TRDN: variants seen among roughly 807,000 people sequenced by gnomAD.
TRDN encodes triadin in skeletal muscle.
In TRDN, 161 loss-of-function variants were observed where a neutral mutation model predicts 149.7. That is an observed-to-expected ratio of 1.08 (90% CI 0.95 to 1.23). The LOEUF (loss-of-function observed/expected upper bound fraction) is 1.23. TRDN is among the 50% of genes most tolerant of loss of function. TRDN has a pLI of 0.00. For synonymous variants in TRDN, 294 were observed against 250.5 expected (o/e 1.17, Z -1.64); for missense variants, 896 against 823.5 (o/e 1.09, Z -1.08).
chr6:123,365,537 T>C (rs1236211911), intron 20 of TRDN, among the ~76,000 whole-genome samples: 1 of 151,976 alleles, frequency 6.6e-6, no homozygotes, highest in African/African-American at 2.4e-5. Flanking sequence ...TTTAGTGGAG[T>C]ATGTGTGTAA....
intron 13 of TRDN, among the ~76,000 whole-genome samples, chr6:123,390,724 G>A (rs1782075940): frequency 1.3e-5 from 2 of 152,036 alleles, no homozygotes; most frequent in Non-Finnish European, 2.9e-5. Context: ...CAGCTTGCCT[G>A]GTTCTAATCT....
chr6:123,370,629 T>C (rs1404450818), intron 19 of TRDN, among the ~76,000 whole-genome samples: 1 of 152,158 alleles, frequency 6.6e-6, no homozygotes, highest in Non-Finnish European at 1.5e-5. Context: ...CCTAGATAAA[T>C]GACACATTTT....
At chr6:123,299,834 G>A (rs1778339467) in intron 24 of TRDN, among the ~76,000 whole-genome samples, 1 of 152,012 alleles carries the variant, frequency 6.6e-6, no homozygotes, top group South Asian at 2.1e-4. Context: ...ATGAAAAAAG[G>A]AGATTGAGAA....
At chr6:123,632,977 A>G (rs1426990890) in intron 1 of TRDN, among the ~76,000 whole-genome samples, 1 of 151,906 alleles carries the variant, frequency 6.6e-6, no homozygotes, top group East Asian at 1.9e-4. Flanking sequence ...AAATCTTCTC[A>G]TAGGTTTGAT....
intron 39 of TRDN, among the ~76,000 whole-genome samples, chr6:123,221,865 A>G (rs1342867089): frequency 6.6e-6 from 1 of 151,728 alleles, no homozygotes; most frequent in African/African-American, 2.4e-5. Context: ...CAGAATTACA[A>G]TTTGGTAAGG....
At chr6:123,327,569 C>T (rs1185953075) in intron 23 of TRDN, among the ~76,000 whole-genome samples, 1 of 151,914 alleles carries the variant, frequency 6.6e-6, no homozygotes, top group African/African-American at 2.4e-5. Context: ...TACATTTATT[C>T]TTTGTAACAG....
rs1423295974 is a variant in TRDN at position 123,284,821 on chromosome 6, G to T, written c.1511-5739C>A. 2.0e-5 allele frequency among the ~76,000 whole-genome samples: 3 copies of T among 152,038 alleles called. No homozygotes were observed. In the East Asian group the frequency reaches 5.8e-4, roughly 29 times the overall value. On this transcript the variant is annotated intron_variant, in intron 24 of 40. Transcript: ENST00000334268. ...ATAAATGAATTCAGCAAAGTTTGAG[G>T]ATACAAAATTAATGTACACACATCA... is the stretch of plus-strand genomic sequence containing the variant.
intron 18 of TRDN, 75 bp downstream of exon 18, chr6:123,377,641 C>A: frequency 6.4e-7 from 1 of 1,559,064 alleles, no homozygotes; most frequent in Non-Finnish European, 8.8e-7. Context: ...GCTGCCTTAC[C>A]ACCTGTTTGA....
intron 8 of TRDN, 126 bp from the exon 9 acceptor site, chr6:123,497,378 G>GT: frequency 1.8e-6 from 1 of 556,900 alleles, no homozygotes; most frequent in Non-Finnish European, 2.9e-6. Context: ...AATATTTTCT[G>GT]TAAAAAAAAT....
chr6:123,477,722 A>G (rs1777558207), intron 9 of TRDN, among the ~76,000 whole-genome samples: 1 of 152,134 alleles, frequency 6.6e-6, no homozygotes, highest in African/African-American at 2.4e-5. Context: ...ATGGAATACT[A>G]TGCACCATAA....
chr6:123,635,590 A>AG (rs1786268315), intron 1 of TRDN, among the ~76,000 whole-genome samples: 2 of 152,140 alleles, frequency 1.3e-5, no homozygotes, highest in African/African-American at 4.8e-5. Context: ...TCTCAGTGCA[A>AG]GGTACAAATA....
At chr6:123,240,325 T>C (rs184414028) in intron 38 of TRDN, among the ~76,000 whole-genome samples, 8 of 151,980 alleles carry the variant, frequency 5.3e-5, no homozygotes, top group Admixed American at 2.6e-4. Flanking sequence ...TTAATTTGTA[T>C]ATAAATGAAA....
chr6:123,499,719 A>AAAAAAAAAAAAT lies in TRDN; in HGVS notation c.794-2468_794-2467insATTTTTTTTTTT. On this transcript the variant is annotated intron_variant, in intron 8 of 40. Transcript: ENST00000334268. The stretch of plus-strand genomic sequence containing the variant: ...ATTCTGGCTCAAAAAAAAAAAAAAA[A>AAAAAAAAAAAAT]ATATATATATATATATATATATATA... 2.1e-3 allele frequency among the ~76,000 whole-genome samples: 99 copies of AAAAAAAAAAAAT among 47,662 alleles called. 5 individuals carry two copies. Among genetic ancestry groups the AAAAAAAAAAAAT allele is most frequent in the African/African-American group, 3.7e-3 (52 of 14,010 alleles). 31.3% of individuals were successfully genotyped at this position (47,662 alleles called of 152,430 possible). A position where few individuals can be genotyped will look rare whatever the true frequency, so the allele number is the denominator to read the frequency against.
intron 38 of TRDN, among the ~76,000 whole-genome samples, chr6:123,251,979 T>A (rs1259879447): frequency 6.6e-6 from 1 of 152,068 alleles, no homozygotes; most frequent in African/African-American, 2.4e-5. Context: ...AATTACAATT[T>A]AGGTTTCTTA....
chr6:123,410,353 T>G (rs1230502220), intron 12 of TRDN, among the ~76,000 whole-genome samples: 1 of 152,126 alleles, frequency 6.6e-6, no homozygotes, highest in African/African-American at 2.4e-5. Flanking sequence ...TTCTCCCCTT[T>G]TGCAAGCACC....
intron 23 of TRDN, among the ~76,000 whole-genome samples, chr6:123,319,114 A>G (rs1779145018): frequency 6.6e-6 from 1 of 152,116 alleles, no homozygotes; most frequent in African/African-American, 2.4e-5. Flanking sequence ...AATGGAGAAA[A>G]TAATGTAAAA....
At chr6:123,403,881 A>G (rs1227360181) in intron 12 of TRDN, among the ~76,000 whole-genome samples, 1 of 152,206 alleles carries the variant, frequency 6.6e-6, no homozygotes, top group African/African-American at 2.4e-5. Context: ...GAAAATAGTG[A>G]GATAAAAGAT....
At chr6:123,478,512 A>G (rs1253419141) in intron 9 of TRDN, among the ~76,000 whole-genome samples, 1 of 152,204 alleles carries the variant, frequency 6.6e-6, no homozygotes, top group East Asian at 1.9e-4. Flanking sequence ...ATATTTGCGT[A>G]TAGGTAAGGA....
At chr6:123,432,330 C>G (rs1192456678) in intron 12 of TRDN, among the ~76,000 whole-genome samples, 1 of 151,922 alleles carries the variant, frequency 6.6e-6, no homozygotes, top group Non-Finnish European at 1.5e-5. Context: ...TATTGTATAT[C>G]TTACAAATGC....
Sources: gnomAD v4.1 joint callset for allele counts (sites outside exome capture counted in the v4.1 genomes callset) on GRCh38, gnomAD v4.1.1 for gene constraint, MANE v1.5 for transcripts, NCBI Gene and HGNC (gene_info 2026-07-23, HGNC 2026-07-21) for gene names.